EFNA3: variants seen among roughly 807,000 people sequenced by gnomAD.
EFNA3 encodes ephrin-A3.
Under a neutral mutation model 25.0 loss-of-function variants are expected in EFNA3, and 15 were observed. The observed-to-expected ratio is 0.60, with a 90% CI of 0.40 to 0.92. EFNA3 has a LOEUF of 0.92. Ranked by LOEUF, EFNA3 falls within the 40% of genes least tolerant of loss-of-function variation. EFNA3 has a pLI of 0.00. For synonymous variants in EFNA3, 153 were observed against 145.6 expected (o/e 1.05, Z -0.37); for missense variants, 298 against 323.8 (o/e 0.92, Z 0.61).
chr1:155,083,633 G>T (rs1360112900), intron 1 of EFNA3, among the ~76,000 whole-genome samples: 1 of 152,212 alleles, frequency 6.6e-6, no homozygotes, highest in Non-Finnish European at 1.5e-5. Context: ...TGGTGGAGGG[G>T]ACAGCACAAG....
rs1278860672 is a variant in EFNA3 at position 155,080,111 on chromosome 1, G to T, written c.128+1042G>T. ...ATCAGTGTGTGTCTGTGTGTTAGTA[G>T]GGGGAGATCCCTGGGGACGCGGGGG... is the stretch of plus-strand genomic sequence containing the variant. On this transcript the variant is annotated intron_variant, in intron 1 of 4. Transcript: ENST00000368408. The surrounding 1 kb of genome is among the most constrained non-coding windows in gnomAD (Gnocchi z 7.0). Among the ~76,000 whole-genome samples, 1 of 152,150 alleles carries T rather than the reference G, an allele frequency of 6.6e-6. No homozygotes were observed. The highest frequency in any genetic ancestry group is 1.5e-5 in the Non-Finnish European group (1 of 68,006).
rs1012270589 is a variant in EFNA3 at position 155,080,010 on chromosome 1, G to C, written c.128+941G>C. ...GGCCGGGTGCTGGCTGCGGGGCCGG[G>C]TCCTCATTCTGCTCAGTCCTTGCTG... On this transcript the variant is annotated intron_variant, in intron 1 of 4. Coordinates refer to ENST00000368408, the MANE Select transcript of EFNA3 (RefSeq NM_004952.5). This position sits in a 1 kb window ranked among gnomAD's most constrained non-coding sequence, Gnocchi z 7.0. Among the ~76,000 whole-genome samples the C allele has an allele frequency of 1.3e-5, 2 of 152,070 alleles. No individual in the cohort carries two copies. Among genetic ancestry groups the C allele is most frequent in the Admixed American group, 6.5e-5 (1 of 15,268 alleles).
At position 155,085,656 on chromosome 1, in the gene EFNA3, C is replaced by T. The variant is rs1239997199; in HGVS notation, c.443-221C>T. 2.9e-6 allele frequency: 2 copies of T among 681,350 alleles called. No homozygotes were observed. Among genetic ancestry groups the T allele is most frequent in the African/African-American group, 1.8e-5 (1 of 55,200 alleles). The allele number at this position is 681,350 out of a possible 1,614,324, so 42.2% of individuals were successfully genotyped here. ...ATCGCTGTTTCTGTGAGGGACATTC[C>T]GGGGTTGGAACATCAGGGATCCCAG... On this transcript the variant is annotated intron_variant, in intron 2 of 4. Coordinates refer to ENST00000368408, the MANE Select transcript of EFNA3 (RefSeq NM_004952.5). The surrounding 1 kb of genome is among the most constrained non-coding windows in gnomAD (Gnocchi z 4.4).
At chr1:155,082,427 G>A (rs896638198) in intron 1 of EFNA3, among the ~76,000 whole-genome samples, 1 of 152,214 alleles carries the variant, frequency 6.6e-6, no homozygotes, top group Non-Finnish European at 1.5e-5. Flanking sequence ...CCGGGCTGGG[G>A]GAGAAGTTTG....
At chr1:155,086,107 C>A in intron 3 of EFNA3, 21 bp from the exon 4 acceptor site, 1 of 1,595,822 alleles carries the variant, frequency 6.3e-7, no homozygotes, top group Non-Finnish European at 8.6e-7. Flanking sequence ...CCTCTCTCCC[C>A]ACCCGCACCC....
At position 155,078,890 on chromosome 1, in the gene EFNA3, A is replaced by T; in HGVS notation, c.-52A>T. ...GCAGCAGGGAGCTGGGAAGCGGAGA[A>T]GCCGGGAGCGCGGGGCTCAGTCGGG... On this transcript the variant is annotated 5_prime_UTR_variant, in exon 1 of 5. The change creates a new upstream start codon in the 5' untranslated region. Coordinates refer to ENST00000368408, the MANE Select transcript of EFNA3 (RefSeq NM_004952.5). The T allele has an allele frequency of 7.5e-7, 1 of 1,339,672 alleles. No homozygotes were observed. Among genetic ancestry groups the T allele is most frequent in the Non-Finnish European group, 9.5e-7 (1 of 1,047,432 alleles). 83.0% of individuals were successfully genotyped at this position (1,339,672 alleles called of 1,614,324 possible). A position where few individuals can be genotyped will look rare whatever the true frequency, so the allele number is the denominator to read the frequency against.
chr1:155,086,355 GC>G, intron 4 of EFNA3, 57 bp from the exon 5 acceptor site: 2 of 1,583,204 alleles, frequency 1.3e-6, no homozygotes, highest in South Asian at 1.1e-5. Flanking sequence ...GCTGCCGCGT[GC>G]CCCTGCCCTG....
Position 155,085,556 on chromosome 1 carries a change from G to A in EFNA3, c.442+152G>A. 2 of 979,190 alleles carry A rather than the reference G, an allele frequency of 2.0e-6. No individual in the cohort carries two copies. Among genetic ancestry groups the A allele is most frequent in the Non-Finnish European group, 2.9e-6 (2 of 681,720 alleles). The allele number at this position is 979,190 out of a possible 1,614,324, so 60.7% of individuals were successfully genotyped here. A position where few individuals can be genotyped will look rare whatever the true frequency, so the allele number is the denominator to read the frequency against. ...GAGGAGGCGTGGGCACGGGACGCCTGAGGGGTTCAGCTCAGACGAGGTCGT... is the reference window on the plus strand; with the variant it reads ...GAGGAGGCGTGGGCACGGGACGCCTAAGGGGTTCAGCTCAGACGAGGTCGT... On this transcript the variant is annotated intron_variant, in intron 2 of 4. Transcript: ENST00000368408. The surrounding 1 kb of genome is among the most constrained non-coding windows in gnomAD (Gnocchi z 4.4).
intron 4 of EFNA3, 87 bp downstream of exon 4, chr1:155,086,292 G>A: frequency 6.3e-7 from 1 of 1,595,412 alleles, no homozygotes; most frequent in Non-Finnish European, 8.6e-7. Flanking sequence ...GCCTTCCCTG[G>A]GGGCACTGAT....
At position 155,086,591 on chromosome 1, in the gene EFNA3, G is replaced by A. The variant is rs776115582; in HGVS notation, c.*48G>A. On this transcript the variant is annotated 3_prime_UTR_variant, in exon 5 of 5. Coordinates refer to ENST00000368408, the MANE Select transcript of EFNA3 (RefSeq NM_004952.5). Reference sequence around the variant, plus strand: ...GGAGAGATGGGGCGGGGCTTGGAAGGAGCAGGGAGCCTTTGGCCTCTCCAA... The same window carrying A: ...GGAGAGATGGGGCGGGGCTTGGAAGAAGCAGGGAGCCTTTGGCCTCTCCAA... 1.9e-6 allele frequency: 3 copies of A among 1,604,018 alleles called. No individual in the cohort carries two copies. Among genetic ancestry groups the A allele is most frequent in the East Asian group, 2.2e-5 (1 of 44,848 alleles).
At chr1:155,083,404 C>G (rs955348721) in intron 1 of EFNA3, among the ~76,000 whole-genome samples, 5 of 152,230 alleles carry the variant, frequency 3.3e-5, no homozygotes, top group Non-Finnish European at 5.9e-5. Flanking sequence ...GGAGCCAGGC[C>G]TGGTCTAACC....
In EFNA3 at chr1:155,085,528, A is replaced by G. The variant is rs889822886; in HGVS notation, c.442+124A>G. On this transcript the variant is annotated intron_variant, in intron 2 of 4. Transcript: ENST00000368408. This position sits in a 1 kb window ranked among gnomAD's most constrained non-coding sequence, Gnocchi z 4.4. ...GGCGCCAGGTCTCGCGGCTGAGACCAGGGAGGAGGCGTGGGCACGGGACGC... is the reference window on the plus strand; with the variant it reads ...GGCGCCAGGTCTCGCGGCTGAGACCGGGGAGGAGGCGTGGGCACGGGACGC... The G allele has an allele frequency of 2.0e-5, 24 of 1,229,018 alleles. No homozygotes were observed. The East Asian group carries it at 4.4e-4, about 22-fold the overall frequency. The allele number at this position is 1,229,018 out of a possible 1,614,324, so 76.1% of individuals were successfully genotyped here.
At chr1:155,086,103 T>TGCCCCCCCCCC in intron 3 of EFNA3, 25 bp from the exon 4 acceptor site, 21 of 1,577,556 alleles carry the variant, frequency 1.3e-5, no homozygotes, top group Middle Eastern at 2.0e-4. Flanking sequence ...CCCTCCTCTC[T>TGCCCCCCCCCC]CCCCACCCGC....
At position 155,081,929 on chromosome 1, in the gene EFNA3, T is replaced by TCGCCGCCGC. The variant is rs1433129921; in HGVS notation, c.128+2870_128+2878dup. Among the ~76,000 whole-genome samples the TCGCCGCCGC allele has an allele frequency of 6.6e-6, 1 of 152,060 alleles. No individual in the cohort carries two copies. ...TCCGCCGCTGCAGATCAATAAACCTTCGCCGCCGCCGCCGCCGCTGTCGCA... is the reference window on the plus strand; with the variant it reads ...TCCGCCGCTGCAGATCAATAAACCTTCGCCGCCGCCGCCGCCGCCGCCGCCGCTGTCGCA... On this transcript the variant is annotated intron_variant, in intron 1 of 4. Transcript: ENST00000368408. The surrounding 1 kb of genome is among the most constrained non-coding windows in gnomAD (Gnocchi z 5.2).
In EFNA3 at chr1:155,081,929, T is replaced by G. The variant is rs1320482790; in HGVS notation, c.128+2860T>G. Among the ~76,000 whole-genome samples, 1 of 152,060 alleles carries G rather than the reference T, an allele frequency of 6.6e-6. No individual in the cohort carries two copies. Among genetic ancestry groups the G allele is most frequent in the Non-Finnish European group, 1.5e-5 (1 of 67,970 alleles). Reference sequence around the variant, plus strand: ...TCCGCCGCTGCAGATCAATAAACCTTCGCCGCCGCCGCCGCCGCTGTCGCA... The same window carrying G: ...TCCGCCGCTGCAGATCAATAAACCTGCGCCGCCGCCGCCGCCGCTGTCGCA... On this transcript the variant is annotated intron_variant, in intron 1 of 4. Transcript: ENST00000368408. The surrounding 1 kb of genome is among the most constrained non-coding windows in gnomAD (Gnocchi z 5.2).
chr1:155,086,191 A>G lies in EFNA3; in HGVS notation c.572A>G (p.Lys191Arg), dbSNP rs1406899874. Residue 191 changes from lysine (K) to arginine (R), a missense_variant, in exon 4 of 5, where the codon AAG becomes AGG. Lys to Arg is a conservative substitution (Grantham distance 26, BLOSUM62 2). Coordinates refer to ENST00000368408, the MANE Select transcript of EFNA3 (RefSeq NM_004952.5). Reference sequence around the variant, plus strand: ...CAGTTCACCATGGGCCCCAATGTGAAGATCAACGTGCTGGGTGAGTCTGCG... The same window carrying G: ...CAGTTCACCATGGGCCCCAATGTGAGGATCAACGTGCTGGGTGAGTCTGCG... ...LPQFTMGPNV[K>R]INVLEDFEGE... 5 of 1,613,930 alleles carry G rather than the reference A, an allele frequency of 3.1e-6. No homozygotes were observed. Among genetic ancestry groups the G allele is most frequent in the Non-Finnish European group, 4.2e-6 (5 of 1,179,896 alleles).
chr1:155,085,181 C>T lies in EFNA3; in HGVS notation c.219C>T (p.Pro73=). Residue 73 remains proline, a synonymous_variant, in exon 2 of 5, where the codon CCC becomes CCT. Coordinates refer to ENST00000368408, the MANE Select transcript of EFNA3 (RefSeq NM_004952.5). This position sits in a 1 kb window ranked among gnomAD's most constrained non-coding sequence, Gnocchi z 4.4. ...CPHYNSSGVG[P]GAGPGPGGGA... ...ACTACAACAGCTCGGGGGTGGGCCC[C>T]GGGGCGGGACCGGGGCCCGGAGGCG... 3.9e-6 allele frequency: 6 copies of T among 1,555,374 alleles called. No homozygotes were observed. Among genetic ancestry groups the T allele is most frequent in the Non-Finnish European group, 5.3e-6 (6 of 1,137,154 alleles).
In EFNA3 at chr1:155,079,013, G is replaced by T; in HGVS notation, c.72G>T (p.Gly24=). Residue 24 remains glycine, a synonymous_variant, in exon 1 of 5, where the codon GGG becomes GGT. Transcript: ENST00000368408. This position sits in a 1 kb window ranked among gnomAD's most constrained non-coding sequence, Gnocchi z 7.7. ...PVPLLPLLAQ[G]PGGALGNRHA... is the part of the protein sequence containing the mutation. ...CGCTGCTGCCGCTGCTGGCCCAAGG[G>T]CCCGGAGGGGCGCTGGGAAACCGGC... The T allele has an allele frequency of 7.0e-7, 1 of 1,428,090 alleles. No individual in the cohort carries two copies. Among genetic ancestry groups the T allele is most frequent in the East Asian group, 3.0e-5 (1 of 32,852 alleles). The allele number at this position is 1,428,090 out of a possible 1,614,324, so 88.5% of individuals were successfully genotyped here.
rs774764211 is a variant in EFNA3, at chr1:155,086,502, G to A, written c.676G>A (p.Val226Met). ...CAAACGGGAACACCTGCCCCTGGCC[G>A]TGGGCATCGCCTTCTTCCTCATGAC... ...SPKREHLPLA[V>M]GIAFFLMTFL... is the part of the protein sequence containing the mutation. Residue 226 changes from valine (V) to methionine (M), a missense_variant, in exon 5 of 5, where the codon GTG becomes ATG. By Grantham distance (21) the Val-to-Met change is conservative (BLOSUM62 1). Coordinates refer to ENST00000368408, the MANE Select transcript of EFNA3 (RefSeq NM_004952.5). 4.3e-6 allele frequency: 7 copies of A among 1,614,046 alleles called. No homozygotes were observed. Among genetic ancestry groups the A allele is most frequent in the South Asian group, 2.2e-5 (2 of 91,076 alleles).
Sources: gnomAD v4.1 joint callset for allele counts (sites outside exome capture counted in the v4.1 genomes callset) on GRCh38, gnomAD v4.1.1 for gene constraint, Gnocchi (gnomAD v3.1) non-coding constraint, MANE v1.5 for transcripts, NCBI Gene and HGNC (gene_info 2026-07-23, HGNC 2026-07-21) for gene names.